GRID2: variants seen among roughly 807,000 people sequenced by gnomAD.
GRID2 encodes the protein glutamate receptor ionotropic, delta-2.
In GRID2, 33 loss-of-function variants were observed where a neutral mutation model predicts 114.8. The ratio of observed to expected loss-of-function variants is 0.29; its 90% CI spans 0.22 to 0.38. The LOEUF (loss-of-function observed/expected upper bound fraction) is 0.38, where lower values mean the gene tolerates loss of function less well. GRID2 is among the 10% of genes least tolerant of loss of function. The probability of loss-of-function intolerance (pLI) is 1.00; values close to 1 mark genes in which losing one functional copy is unlikely to be tolerated. For synonymous variants in GRID2, 505 were observed against 449.9 expected (o/e 1.12, Z -1.55); for missense variants, 1,184 against 1,257.7 (o/e 0.94, Z 0.89).
intron 3 of GRID2, among the ~76,000 whole-genome samples, chr4:93,101,778 A>C (rs1731730128): frequency 6.6e-6 from 1 of 152,144 alleles, no homozygotes; most frequent in African/African-American, 2.4e-5. Flanking sequence ...GTTGTGGGAA[A>C]CTGGCCTAAA....
chr4:93,440,492 G>A (rs568526415), intron 10 of GRID2, among the ~76,000 whole-genome samples: 1 of 151,974 alleles, frequency 6.6e-6, no homozygotes, highest in Non-Finnish European at 1.5e-5. Flanking sequence ...ACACAGGCAG[G>A]AAGTTAAAAA....
At chr4:92,455,264 T>C (rs1371613641) in intron 1 of GRID2, among the ~76,000 whole-genome samples, 1 of 152,220 alleles carries the variant, frequency 6.6e-6, no homozygotes, top group East Asian at 1.9e-4. Flanking sequence ...GTGGCCAAAA[T>C]ACTACTCAGT....
intron 2 of GRID2, among the ~76,000 whole-genome samples, chr4:92,780,263 T>C (rs1251764852): frequency 6.6e-6 from 1 of 152,174 alleles, no homozygotes; most frequent in Non-Finnish European, 1.5e-5. Context: ...TTTTTGTTGT[T>C]GTTGAGTTGT....
intron 14 of GRID2, among the ~76,000 whole-genome samples, chr4:93,682,040 G>C (rs1454490424): frequency 2.0e-5 from 3 of 151,508 alleles, no homozygotes; most frequent in Admixed American, 2.0e-4. Flanking sequence ...ATCTGACAAA[G>C]GGCTAATATC....
chr4:93,712,007 T>G (rs144367646), intron 14 of GRID2, among the ~76,000 whole-genome samples: 1,906 of 151,580 alleles, frequency 0.013, 37 homozygotes, highest in African/African-American at 0.043. Context: ...TTTCAGTTTT[T>G]TTGTTGTTGT....
chr4:92,734,830 G>A (rs1163908565), intron 2 of GRID2, among the ~76,000 whole-genome samples: 1 of 147,186 alleles, frequency 6.8e-6, no homozygotes, highest in African/African-American at 2.5e-5. Context: ...TCAGCCTGGA[G>A]TGCTGTGATG....
At chr4:93,757,037 G>T (rs1732808789) in intron 14 of GRID2, among the ~76,000 whole-genome samples, 1 of 152,170 alleles carries the variant, frequency 6.6e-6, no homozygotes, top group African/African-American at 2.4e-5. Flanking sequence ...GAACATTTTT[G>T]CAGAGGAGAT....
chr4:92,713,252 T>C (rs1735350280), intron 2 of GRID2, among the ~76,000 whole-genome samples: 2 of 151,208 alleles, frequency 1.3e-5, no homozygotes, highest in Admixed American at 6.6e-5. Flanking sequence ...ACATCTTTCT[T>C]TTGTGTACTT....
intron 2 of GRID2, among the ~76,000 whole-genome samples, chr4:92,592,774 T>C (rs900621996): frequency 3.3e-5 from 5 of 151,992 alleles, no homozygotes; most frequent in African/African-American, 1.2e-4. Context: ...CTATTCAATA[T>C]CAAGAAGGGT....
chr4:93,313,009 G>A (rs1756188014), intron 8 of GRID2, among the ~76,000 whole-genome samples: 1 of 152,080 alleles, frequency 6.6e-6, no homozygotes, highest in Non-Finnish European at 1.5e-5. Flanking sequence ...AATTGCAGCA[G>A]GATATGAACT....
Position 92,963,395 on chromosome 4 carries a change from C to T in GRID2, c.245-121600C>T, listed in dbSNP as rs146633435. Among the ~76,000 whole-genome samples, 80 of 152,076 alleles carry T rather than the reference C, an allele frequency of 5.3e-4. 1 individual carries two copies. The highest frequency in any genetic ancestry group is 3.1e-3 in the East Asian group (16 of 5,158). On this transcript the variant is annotated intron_variant, in intron 2 of 15. Coordinates refer to ENST00000282020, the MANE Select transcript of GRID2 (RefSeq NM_001510.4). ...ATATCAACTAGGTTTATGTAATATT[C>T]GAAATCCTTTGTTGTCATTTCAACA... is the stretch of plus-strand genomic sequence containing the variant.
chr4:93,199,601 A>T (rs1334597374), intron 4 of GRID2, among the ~76,000 whole-genome samples: 1 of 152,198 alleles, frequency 6.6e-6, no homozygotes, highest in East Asian at 1.9e-4. Flanking sequence ...CAGCTGGAAG[A>T]TCAGAGCAGA....
chr4:92,494,256 T>C (rs1353245663), intron 1 of GRID2, among the ~76,000 whole-genome samples: 1 of 151,966 alleles, frequency 6.6e-6, no homozygotes, highest in Non-Finnish European at 1.5e-5. Context: ...CCATTAGAAA[T>C]TTATAAATTT....
At chr4:92,958,551 C>T (rs941171050) in intron 2 of GRID2, among the ~76,000 whole-genome samples, 1 of 151,970 alleles carries the variant, frequency 6.6e-6, no homozygotes, top group African/African-American at 2.4e-5. Context: ...TCTTTTTATA[C>T]ATTGTTGGAT....
In GRID2 at chr4:93,560,177, C is replaced by T. The variant is rs556811985; in HGVS notation, c.2193+44766C>T. Among the ~76,000 whole-genome samples, 5 of 118,320 alleles carry T rather than the reference C, an allele frequency of 4.2e-5. No homozygotes were observed. In the East Asian group the frequency reaches 1.3e-3, roughly 32 times the overall value. The allele number at this position is 118,320 out of a possible 152,430, so 77.6% of individuals were successfully genotyped here. On this transcript the variant is annotated intron_variant, in intron 13 of 15. Coordinates refer to ENST00000282020, the MANE Select transcript of GRID2 (RefSeq NM_001510.4). ...AACCGCCATGGCAAGTGTGTACCTA[C>T]GTAACAAACCTGCATGTTCTACGCA...
rs982472770 is a variant in GRID2, at chr4:93,510,626, G to T, written c.1998-4590G>T. Among the ~76,000 whole-genome samples, 16 of 152,062 alleles carry T rather than the reference G, an allele frequency of 1.1e-4. 1 individual carries two copies. The highest frequency in any genetic ancestry group is 7.2e-4 in the Admixed American group (11 of 15,260). On this transcript the variant is annotated intron_variant, in intron 12 of 15. Transcript: ENST00000282020. The stretch of plus-strand genomic sequence containing the variant: ...GTCACACAATCTCATACTTGGAAGG[G>T]AAATCATGCATTATTTATTCTATTT...
intron 2 of GRID2, among the ~76,000 whole-genome samples, chr4:92,682,957 AC>A (rs1733718656): frequency 6.6e-6 from 1 of 152,126 alleles, no homozygotes; most frequent in Non-Finnish European, 1.5e-5. Flanking sequence ...ATGAAAAATA[AC>A]AAATTGGTTC....
At chr4:92,391,965 C>T (rs539006526) in intron 1 of GRID2, among the ~76,000 whole-genome samples, 5 of 152,250 alleles carry the variant, frequency 3.3e-5, no homozygotes, top group East Asian at 1.9e-4. Flanking sequence ...TCCCTTAGGA[C>T]GTGACAGATC....
At chr4:93,504,816 G>A (rs531910566) in intron 12 of GRID2, among the ~76,000 whole-genome samples, 2 of 151,990 alleles carry the variant, frequency 1.3e-5, no homozygotes, top group Admixed American at 6.6e-5. Flanking sequence ...AAATGGTTTA[G>A]TTAATAACAG....
Sources: gnomAD v4.1 joint callset for allele counts (sites outside exome capture counted in the v4.1 genomes callset) on GRCh38, gnomAD v4.1.1 for gene constraint, MANE v1.5 for transcripts, NCBI Gene and HGNC (gene_info 2026-07-23, HGNC 2026-07-21) for gene names.